Variants in FBXL7 observed in about 807,000 individuals in gnomAD.
FBXL7 encodes F-box and leucine rich repeat protein 7.
FBXL7 carries 12 observed loss-of-function variants against 38.3 expected under a neutral mutation model. The observed-to-expected ratio is 0.31, with a 90% CI of 0.20 to 0.51. The LOEUF (loss-of-function observed/expected upper bound fraction) is 0.51, where lower values mean the gene tolerates loss of function less well. Ranked by LOEUF, FBXL7 falls within the 20% of genes least tolerant of loss-of-function variation. FBXL7 has a pLI of 0.98. For synonymous variants in FBXL7, 297 were observed against 300.9 expected (o/e 0.99, Z 0.13); for missense variants, 567 against 676.4 (o/e 0.84, Z 1.79).
chr5:15,656,906 G>T lies in FBXL7; in HGVS notation c.127+40834G>T, dbSNP rs79703603. On this transcript the variant is annotated intron_variant, in intron 2 of 3. Transcript: ENST00000504595. The stretch of plus-strand genomic sequence containing the variant: ...ACTTATGTAAATTGTAGCCTGTATA[G>T]TAGAATCAAATGCAGTTAGGAAAGT... 8.6e-3 allele frequency among the ~76,000 whole-genome samples: 1,302 copies of T among 152,122 alleles called. 13 individuals are homozygous for T. Among genetic ancestry groups the T allele is most frequent in the African/African-American group, 0.03 (1,235 of 41,490 alleles).
At chr5:15,741,803 CT>C (rs35647246) in intron 2 of FBXL7, among the ~76,000 whole-genome samples, 5 of 150,416 alleles carry the variant, frequency 3.3e-5, no homozygotes, top group Admixed American at 6.6e-5. Context: ...AAAAGAACAA[CT>C]TTTTTTTTTC....
rs544901806 is a variant in FBXL7 at position 15,702,935 on chromosome 5, G to A, written c.127+86863G>A. ...GGGGGTTGTTCTCTGGCGGGCAGGA[G>A]TGGGGGTCACAAGGTGCTCAGTAGG... On this transcript the variant is annotated intron_variant, in intron 2 of 3. Coordinates refer to ENST00000504595, the MANE Select transcript of FBXL7 (RefSeq NM_012304.5). Among the ~76,000 whole-genome samples, 390 of 152,282 alleles carry A rather than the reference G, an allele frequency of 2.6e-3. 4 individuals carry two copies. Among genetic ancestry groups the A allele is most frequent in the African/African-American group, 8.9e-3 (370 of 41,560 alleles).
intron 2 of FBXL7, among the ~76,000 whole-genome samples, chr5:15,749,860 C>G (rs1453359260): frequency 6.6e-6 from 1 of 152,148 alleles, no homozygotes; most frequent in Non-Finnish European, 1.5e-5. Context: ...GCCCAGGAGA[C>G]TCTGCCTACA....
chr5:15,601,163 G>A (rs549765403), intron 1 of FBXL7, among the ~76,000 whole-genome samples: 1 of 152,294 alleles, frequency 6.6e-6, no homozygotes, highest in East Asian at 1.9e-4. Flanking sequence ...TGAACACATG[G>A]CTTCTAAGGT....
intron 1 of FBXL7, among the ~76,000 whole-genome samples, chr5:15,518,022 G>A (rs542139043): frequency 1.1e-4 from 16 of 151,958 alleles, no homozygotes; most frequent in African/African-American, 3.6e-4. Flanking sequence ...ACAGGGTCTC[G>A]CTCTGTCACC....
At chr5:15,871,539 A>T (rs1455141356) in intron 2 of FBXL7, among the ~76,000 whole-genome samples, 1 of 152,192 alleles carries the variant, frequency 6.6e-6, no homozygotes, top group Non-Finnish European at 1.5e-5. Flanking sequence ...CAATGCAAGG[A>T]AGCTAAGAAC....
intron 2 of FBXL7, among the ~76,000 whole-genome samples, chr5:15,802,410 G>A (rs1011198249): frequency 6.6e-6 from 1 of 151,346 alleles, no homozygotes; most frequent in Non-Finnish European, 1.5e-5. Flanking sequence ...GATTCCAGAT[G>A]TCTACCCTTG....
rs1741957340 is a variant in FBXL7 at position 15,928,547 on chromosome 5, A to G, written c.739+46A>G. On this transcript the variant is annotated intron_variant, in intron 3 of 3. Coordinates refer to ENST00000504595, the MANE Select transcript of FBXL7 (RefSeq NM_012304.5). This position sits in a 1 kb window ranked among gnomAD's most constrained non-coding sequence, Gnocchi z 4.0. Reference sequence around the variant, plus strand: ...CAGCTATGGGCCCTCCTGGTGCACCATCCTAAAACAGTGGGGACAGTGCCA... The same window carrying G: ...CAGCTATGGGCCCTCCTGGTGCACCGTCCTAAAACAGTGGGGACAGTGCCA... 2 of 1,562,164 alleles carry G rather than the reference A, an allele frequency of 1.3e-6. No homozygotes were observed. Among genetic ancestry groups the G allele is most frequent in the Admixed American group, 1.7e-5 (1 of 57,280 alleles).
intron 2 of FBXL7, among the ~76,000 whole-genome samples, chr5:15,664,236 C>T (rs1186860424): frequency 6.6e-6 from 1 of 152,094 alleles, no homozygotes; most frequent in Non-Finnish European, 1.5e-5. Flanking sequence ...GAGAAACTCA[C>T]AGCAGTATAC....
In FBXL7 at chr5:15,719,993, C is replaced by T. The variant is rs1010481799; in HGVS notation, c.127+103921C>T. Among the ~76,000 whole-genome samples the T allele has an allele frequency of 9.4e-5, 14 of 148,854 alleles. 1 individual carries two copies. Among genetic ancestry groups the T allele is most frequent in the African/African-American group, 1.5e-4 (6 of 40,790 alleles). On this transcript the variant is annotated intron_variant, in intron 2 of 3. Coordinates refer to ENST00000504595, the MANE Select transcript of FBXL7 (RefSeq NM_012304.5). ...ATTCCCTATCAGTAGCTACTGCATC[C>T]TGTCTGTTCAACAAGATCACCAGTT...
intron 2 of FBXL7, among the ~76,000 whole-genome samples, chr5:15,624,395 C>T (rs1182797560): frequency 1.3e-5 from 2 of 152,170 alleles, no homozygotes; most frequent in Non-Finnish European, 2.9e-5. Flanking sequence ...TCCCATTTGT[C>T]CTGAGAATCC....
In FBXL7 at chr5:15,874,156, C is replaced by T. The variant is rs574043408; in HGVS notation, c.128-53734C>T. Reference sequence around the variant, plus strand: ...ACGTAATCCATCACATAAACAGAACCAACGACAAAAACCACATGATTATCT... The same window carrying T: ...ACGTAATCCATCACATAAACAGAACTAACGACAAAAACCACATGATTATCT... On this transcript the variant is annotated intron_variant, in intron 2 of 3. Transcript: ENST00000504595. 2.6e-5 allele frequency among the ~76,000 whole-genome samples: 4 copies of T among 152,230 alleles called. No homozygotes were observed. The East Asian group carries it at 7.7e-4, about 29-fold the overall frequency.
At chr5:15,624,028 T>C (rs903066575) in intron 2 of FBXL7, among the ~76,000 whole-genome samples, 3 of 152,234 alleles carry the variant, frequency 2.0e-5, no homozygotes, top group South Asian at 4.1e-4. Context: ...TAATCATTTT[T>C]CTAAGTTCCT....
At chr5:15,501,861 T>G in intron 1 of FBXL7, 1 of 312,228 alleles carries the variant, frequency 3.2e-6, no homozygotes, top group Non-Finnish European at 4.5e-6. Context: ...CATATGTGCA[T>G]GTGTATGTGT....
chr5:15,806,908 T>A (rs1164294283), intron 2 of FBXL7, among the ~76,000 whole-genome samples: 1 of 152,230 alleles, frequency 6.6e-6, no homozygotes, highest in Non-Finnish European at 1.5e-5. Context: ...TGTGGCTTCT[T>A]GCATTTCTGA....
Position 15,676,897 on chromosome 5 carries a change from G to A in FBXL7, c.127+60825G>A, listed in dbSNP as rs1742673187. On this transcript the variant is annotated intron_variant, in intron 2 of 3. Coordinates refer to ENST00000504595, the MANE Select transcript of FBXL7 (RefSeq NM_012304.5). ...AGCTTGTCATTAAGTATGCTACCTGGGAAATCTCCAGTCAAACACTCCATA... is the reference window on the plus strand; with the variant it reads ...AGCTTGTCATTAAGTATGCTACCTGAGAAATCTCCAGTCAAACACTCCATA... 2.0e-5 allele frequency among the ~76,000 whole-genome samples: 3 copies of A among 152,142 alleles called. No individual in the cohort carries two copies. In the South Asian group the frequency reaches 6.2e-4, roughly 32 times the overall value.
chr5:15,733,006 T>C (rs1735632019), intron 2 of FBXL7, among the ~76,000 whole-genome samples: 1 of 152,178 alleles, frequency 6.6e-6, no homozygotes, highest in Admixed American at 6.5e-5. Flanking sequence ...ACAGAAATGG[T>C]CACACTCTAA....
chr5:15,928,332 C>A lies in FBXL7; in HGVS notation c.570C>A (p.Thr190=). The A allele has an allele frequency of 6.2e-7, 1 of 1,613,968 alleles. No homozygotes were observed. Residue 190 remains threonine (T), a synonymous_variant, in exon 3 of 4, where the codon ACC becomes ACA. Coordinates refer to ENST00000504595, the MANE Select transcript of FBXL7 (RefSeq NM_012304.5). The surrounding 1 kb of genome is among the most constrained non-coding windows in gnomAD (Gnocchi z 4.0). ...DTPNVCLMLE[T]VTVSGCRRLT... ...CCAACGTGTGTCTCATGCTGGAAAC[C>A]GTAACTGTCAGTGGCTGCAGGCGGC...
intron 2 of FBXL7, among the ~76,000 whole-genome samples, chr5:15,720,671 G>A (rs1443322354): frequency 6.8e-6 from 1 of 147,518 alleles, no homozygotes; most frequent in Non-Finnish European, 1.5e-5. Flanking sequence ...TTCTAATATG[G>A]CCCACATATT....
Sources: allele counts gnomAD v4.1 joint callset (sites outside exome capture counted in the v4.1 genomes callset), GRCh38; gene constraint gnomAD v4.1.1; non-coding constraint Gnocchi (gnomAD v3.1); transcripts MANE v1.5; gene names NCBI Gene and HGNC (gene_info 2026-07-23, HGNC 2026-07-21).